The following PTPRD variants were observed in gnomAD, a reference collection of about 807,000 sequenced individuals.
PTPRD encodes protein tyrosine phosphatase receptor type D, also known as receptor-type tyrosine-protein phosphatase delta.
Under a neutral mutation model 214.5 loss-of-function variants are expected in PTPRD, and 34 were observed. That is an observed-to-expected ratio of 0.16 (90% CI 0.12 to 0.21). PTPRD has a LOEUF of 0.21. Ranked by LOEUF, PTPRD falls within the 10% of genes least tolerant of loss-of-function variation. The pLI is 1.00. For missense variants in PTPRD, 2,545 were observed against 2,398.7 expected (o/e 1.06, Z -1.27); for synonymous variants, 1,128 against 845.7 (o/e 1.33, Z -5.79).
intron 3 of PTPRD, among the ~76,000 whole-genome samples, chr9:10,063,180 A>G (rs2064871267): frequency 6.6e-6 from 1 of 150,762 alleles, no homozygotes; most frequent in Admixed American, 6.6e-5. Context: ...AAGTTCTGCA[A>G]AGAAGAATTG....
At chr9:10,215,871 AT>A (rs1465944347) in intron 3 of PTPRD, among the ~76,000 whole-genome samples, 2 of 152,028 alleles carry the variant, frequency 1.3e-5, no homozygotes, top group Admixed American at 6.6e-5. Context: ...ATATATTATG[AT>A]GCTATTTATA....
At chr9:9,922,941 T>C (rs866760074) in intron 5 of PTPRD, among the ~76,000 whole-genome samples, 2 of 132,926 alleles carry the variant, frequency 1.5e-5, no homozygotes, top group African/African-American at 5.5e-5. Flanking sequence ...TGATGTAATA[T>C]ACTGCTAGTA....
intron 6 of PTPRD, among the ~76,000 whole-genome samples, chr9:9,735,760 T>C (rs1452111521): frequency 2.0e-5 from 3 of 152,140 alleles, no homozygotes; most frequent in African/African-American, 7.2e-5. Context: ...ACGGATGATC[T>C]ATCTCTTAGA....
intron 3 of PTPRD, among the ~76,000 whole-genome samples, chr9:10,061,862 T>A (rs2097782334): frequency 6.6e-6 from 1 of 152,070 alleles, no homozygotes; most frequent in South Asian, 2.1e-4. Flanking sequence ...AACAGTATAG[T>A]CTCTGGACCT....
chr9:8,339,185 T>A (rs1588074726), intron 42 of PTPRD, 138 bp from the exon 43 acceptor site: 1 of 864,564 alleles, frequency 1.2e-6, no homozygotes, highest in Non-Finnish European at 1.6e-6. Context: ...TCCAATTGCA[T>A]ATGACTCATT....
chr9:8,328,220 C>CA (rs1835990180), intron 44 of PTPRD, among the ~76,000 whole-genome samples: 1 of 152,144 alleles, frequency 6.6e-6, no homozygotes, highest in South Asian at 2.1e-4. Flanking sequence ...CTGGTGGTGA[C>CA]AAAATCTCTC....
intron 11 of PTPRD, among the ~76,000 whole-genome samples, chr9:8,793,743 T>A (rs1484261953): frequency 6.6e-6 from 1 of 152,154 alleles, no homozygotes; most frequent in Admixed American, 6.5e-5. Context: ...CGCATGTAAT[T>A]TAAAATAACG....
intron 5 of PTPRD, among the ~76,000 whole-genome samples, chr9:9,846,928 T>C (rs1465860612): frequency 1.3e-5 from 2 of 152,050 alleles, no homozygotes; most frequent in Non-Finnish European, 2.9e-5. Context: ...AGAACTGGAG[T>C]GACTGTACTG....
At chr9:9,967,357 A>G (rs909290664) in intron 4 of PTPRD, among the ~76,000 whole-genome samples, 2 of 152,300 alleles carry the variant, frequency 1.3e-5, no homozygotes, top group South Asian at 4.1e-4. Flanking sequence ...ATTTATGCCA[A>G]GTTGTCATTA....
intron 4 of PTPRD, among the ~76,000 whole-genome samples, chr9:9,962,355 A>C (rs1360546944): frequency 6.6e-6 from 1 of 152,146 alleles, no homozygotes; most frequent in Non-Finnish European, 1.5e-5. Flanking sequence ...TAAAGGCAGT[A>C]GTTAATTAAA....
chr9:10,123,441 C>T (rs1214337983), intron 3 of PTPRD, among the ~76,000 whole-genome samples: 1 of 152,162 alleles, frequency 6.6e-6, no homozygotes, highest in East Asian at 1.9e-4. Flanking sequence ...CTTTTATTTG[C>T]CTTTCCTTTT....
rs1191996146 is a variant in PTPRD, at chr9:10,593,786, T to TA, written c.-600+18611dup. Among the ~76,000 whole-genome samples, 8 of 151,924 alleles carry TA rather than the reference T, an allele frequency of 5.3e-5. No homozygotes were observed. In the South Asian group the frequency reaches 1.4e-3, roughly 28 times the overall value. On this transcript the variant is annotated intron_variant, in intron 2 of 45. Transcript: ENST00000381196. Reference sequence around the variant, plus strand: ...TCTTGAAGCAAAATATGTTTTTCCATAAAAAAACTAAGCCTATTTGTAACC... The same window carrying TA: ...TCTTGAAGCAAAATATGTTTTTCCATAAAAAAAACTAAGCCTATTTGTAACC...
intron 4 of PTPRD, among the ~76,000 whole-genome samples, chr9:9,977,387 A>G (rs190248481): frequency 3.3e-4 from 50 of 152,290 alleles, no homozygotes; most frequent in African/African-American, 1.2e-3. Context: ...TTTCAAACAT[A>G]TTTCTGAAGG....
At chr9:10,574,039 G>A (rs1567009073) in intron 2 of PTPRD, among the ~76,000 whole-genome samples, 1 of 152,154 alleles carries the variant, frequency 6.6e-6, no homozygotes, top group Non-Finnish European at 1.5e-5. Context: ...AATTCCGAAT[G>A]TTAAAATCAG....
intron 4 of PTPRD, among the ~76,000 whole-genome samples, chr9:10,031,224 C>T (rs1253864296): frequency 6.6e-6 from 1 of 151,988 alleles, no homozygotes; most frequent in Non-Finnish European, 1.5e-5. Context: ...GCTGGGTGAC[C>T]TGTGAAAAAC....
chr9:10,373,862 A>T (rs2097677977), intron 2 of PTPRD, among the ~76,000 whole-genome samples: 2 of 151,540 alleles, frequency 1.3e-5, no homozygotes, highest in Admixed American at 6.6e-5. Context: ...CAAAAACTAC[A>T]CTCTTCATTT....
intron 7 of PTPRD, among the ~76,000 whole-genome samples, chr9:9,596,737 T>C (rs145986332): frequency 1.2e-4 from 19 of 152,170 alleles, no homozygotes; most frequent in African/African-American, 4.6e-4. Flanking sequence ...TAGGCTTGTG[T>C]ATATGAAGGA....
chr9:9,832,373 G>C (rs146580202), intron 5 of PTPRD, among the ~76,000 whole-genome samples: 2 of 151,982 alleles, frequency 1.3e-5, no homozygotes, highest in African/African-American at 4.8e-5. Flanking sequence ...GTATTTTTCA[G>C]GACCAAAATA....
chr9:8,332,177 A>C (rs1842106615), intron 43 of PTPRD, among the ~76,000 whole-genome samples: 1 of 152,172 alleles, frequency 6.6e-6, no homozygotes, highest in Non-Finnish European at 1.5e-5. Flanking sequence ...ATATTGAAAC[A>C]AGCACCTAGG....
Sources: gnomAD v4.1 joint callset for allele counts (sites outside exome capture counted in the v4.1 genomes callset) on GRCh38, gnomAD v4.1.1 for gene constraint, MANE v1.5 for transcripts, NCBI Gene and HGNC (gene_info 2026-07-23, HGNC 2026-07-21) for gene names.